RAD51B: variants seen among roughly 807,000 people sequenced by gnomAD.
RAD51B encodes DNA repair protein RAD51 homolog 2.
A neutral mutation model predicts 42.2 loss-of-function variants in RAD51B; 38 were observed. That is an observed-to-expected ratio of 0.90 (90% CI 0.70 to 1.18). The LOEUF (loss-of-function observed/expected upper bound fraction) is 1.18, where lower values mean the gene tolerates loss of function less well. Ranked by LOEUF, RAD51B falls within the 50% of genes most tolerant of loss-of-function variation. RAD51B has a pLI of 0.00. For synonymous variants in RAD51B, 154 were observed against 145.2 expected (o/e 1.06, Z -0.43); for missense variants, 373 against 400.7 (o/e 0.93, Z 0.59).
intron 7 of RAD51B, among the ~76,000 whole-genome samples, chr14:68,185,332 TG>T (rs1670719618): frequency 6.6e-6 from 1 of 152,116 alleles, no homozygotes. Context: ...GCAAGTGGAG[TG>T]GCATGCAAAT....
At chr14:68,616,860 C>G (rs1891836504) in intron 10 of RAD51B, among the ~76,000 whole-genome samples, 1 of 151,474 alleles carries the variant, frequency 6.6e-6, no homozygotes, top group East Asian at 1.9e-4. Context: ...TTACTTTTCT[C>G]CTTGTAGCAT....
At chr14:67,889,243 T>A (rs2043148349) in intron 7 of RAD51B, among the ~76,000 whole-genome samples, 1 of 151,876 alleles carries the variant, frequency 6.6e-6, no homozygotes, top group African/African-American at 2.4e-5. Context: ...TGAAAAATAT[T>A]TCCTTTAGAA....
chr14:67,946,815 A>G (rs1232192394), intron 7 of RAD51B, among the ~76,000 whole-genome samples: 1 of 152,266 alleles, frequency 6.6e-6, no homozygotes, highest in Non-Finnish European at 1.5e-5. Flanking sequence ...ATCTTCTGCC[A>G]TATTCTAAGC....
At chr14:67,871,522 G>T (rs2042531554) in intron 5 of RAD51B, among the ~76,000 whole-genome samples, 1 of 152,274 alleles carries the variant, frequency 6.6e-6, no homozygotes, top group East Asian at 1.9e-4. Flanking sequence ...GGAGGAACTG[G>T]TACCATTCCT....
At chr14:67,858,688 C>G (rs573232341) in intron 4 of RAD51B, among the ~76,000 whole-genome samples, 1 of 152,322 alleles carries the variant, frequency 6.6e-6, no homozygotes, top group South Asian at 2.1e-4. Context: ...TCACTCTGGT[C>G]CAGGGATTTA....
intron 10 of RAD51B, among the ~76,000 whole-genome samples, chr14:68,514,964 C>T (rs1174151165): frequency 2.6e-5 from 4 of 152,182 alleles, no homozygotes; most frequent in East Asian, 1.9e-4. Context: ...ATTTTCTTCC[C>T]TGTCTTCTAC....
intron 10 of RAD51B, among the ~76,000 whole-genome samples, chr14:68,532,771 A>C (rs1319213236): frequency 6.6e-6 from 1 of 152,238 alleles, no homozygotes; most frequent in East Asian, 1.9e-4. Flanking sequence ...AGAACAGACT[A>C]ATCCATTATA....
chr14:68,399,169 T>C (rs1167575503), intron 8 of RAD51B, among the ~76,000 whole-genome samples: 3 of 152,118 alleles, frequency 2.0e-5, no homozygotes, highest in Non-Finnish European at 2.9e-5. Flanking sequence ...ACTAATTTTT[T>C]TGGGGGGGAA....
At chr14:68,648,022 CGTATATATATATAT>C (rs1380852857) in intron 10 of RAD51B, among the ~76,000 whole-genome samples, 526 of 24,102 alleles carry the variant, frequency 0.022, 23 homozygotes, top group African/African-American at 0.1. Flanking sequence ...TATATATATA[CGTATATATATATAT>C]ACACACGTAT....
intron 10 of RAD51B, among the ~76,000 whole-genome samples, chr14:68,593,539 G>A (rs1279954553): frequency 2.6e-5 from 4 of 152,174 alleles, no homozygotes; most frequent in African/African-American, 9.7e-5. Flanking sequence ...GAAATCCAAT[G>A]GGACAAGAGG....
At chr14:68,267,720 A>G (rs2081020504) in intron 7 of RAD51B, among the ~76,000 whole-genome samples, 1 of 152,204 alleles carries the variant, frequency 6.6e-6, no homozygotes, top group African/African-American at 2.4e-5. Context: ...TCTAGCTCAC[A>G]ATAGAGGATT....
chr14:68,529,033 T>C (rs1887110387), intron 10 of RAD51B, among the ~76,000 whole-genome samples: 2 of 152,214 alleles, frequency 1.3e-5, no homozygotes, highest in East Asian at 1.9e-4. Flanking sequence ...AGGTGGGTTA[T>C]GTTGAAATGG....
At chr14:67,965,618 T>C (rs971175684) in intron 7 of RAD51B, among the ~76,000 whole-genome samples, 15 of 152,080 alleles carry the variant, frequency 9.9e-5, no homozygotes, top group Non-Finnish European at 1.9e-4. Context: ...CTCATCTCAT[T>C]ACCTGCCATA....
In RAD51B at chr14:68,326,673, T is replaced by C. The variant is rs115724497; in HGVS notation, c.853+34693T>C. 4.3e-3 allele frequency among the ~76,000 whole-genome samples: 649 copies of C among 152,332 alleles called. 6 individuals carry two copies. Among genetic ancestry groups the C allele is most frequent in the African/African-American group, 0.015 (627 of 41,578 alleles). On this transcript the variant is annotated intron_variant, in intron 8 of 10. Coordinates refer to ENST00000471583, the MANE Select transcript of RAD51B (RefSeq NM_133510.4). ...TAGTAGTAAATGTTAGGAGTAGACATAAAATGAGCACAGGTTGCCACTAGA... is the reference window on the plus strand; with the variant it reads ...TAGTAGTAAATGTTAGGAGTAGACACAAAATGAGCACAGGTTGCCACTAGA...
chr14:67,890,068 G>C (rs1476466127), intron 7 of RAD51B, among the ~76,000 whole-genome samples: 3 of 152,108 alleles, frequency 2.0e-5, no homozygotes, highest in Non-Finnish European at 2.9e-5. Flanking sequence ...AGAGATACTG[G>C]ATAAAAGTAA....
chr14:68,225,714 G>T (rs1238905429), intron 7 of RAD51B, among the ~76,000 whole-genome samples: 1 of 152,194 alleles, frequency 6.6e-6, no homozygotes, highest in Non-Finnish European at 1.5e-5. Context: ...GATTAGCTTG[G>T]AAAGAGAGGA....
chr14:67,853,186 A>G (rs2041882241), intron 4 of RAD51B, among the ~76,000 whole-genome samples: 1 of 152,234 alleles, frequency 6.6e-6, no homozygotes, highest in South Asian at 2.1e-4. Flanking sequence ...GCAGAGAAAT[A>G]GATTTTTGCC....
At chr14:68,059,417 A>G (rs2076533255) in intron 7 of RAD51B, among the ~76,000 whole-genome samples, 1 of 151,988 alleles carries the variant, frequency 6.6e-6, no homozygotes, top group Non-Finnish European at 1.5e-5. Flanking sequence ...TTTCCTTTTC[A>G]ACTTTATTAC....
At chr14:68,393,215 A>G (rs2083810843) in intron 8 of RAD51B, among the ~76,000 whole-genome samples, 1 of 152,240 alleles carries the variant, frequency 6.6e-6, no homozygotes, top group African/African-American at 2.4e-5. Flanking sequence ...AGCAGAGAGT[A>G]AGGATACTCA....
Sources: allele counts gnomAD v4.1 joint callset (sites outside exome capture counted in the v4.1 genomes callset), GRCh38; gene constraint gnomAD v4.1.1; transcripts MANE v1.5; gene names NCBI Gene and HGNC (gene_info 2026-07-23, HGNC 2026-07-21).